The following ACBD3 variants were observed in gnomAD, a reference collection of about 807,000 sequenced individuals.
ACBD3 encodes Golgi resident protein GCP60.
Under a neutral mutation model 66.9 loss-of-function variants are expected in ACBD3, and 30 were observed. That is an observed-to-expected ratio of 0.45 (90% CI 0.34 to 0.61). The LOEUF (loss-of-function observed/expected upper bound fraction) is 0.61. Among genes scored for constraint, ACBD3 ranks in the 20% least tolerant of loss-of-function variants. The pLI is 0.02. For synonymous variants in ACBD3, 278 were observed against 259.8 expected (o/e 1.07, Z -0.68); for missense variants, 544 against 664.5 (o/e 0.82, Z 1.99).
intron 3 of ACBD3, among the ~76,000 whole-genome samples, chr1:226,163,585 C>T (rs1302972087): frequency 6.6e-6 from 1 of 152,078 alleles, no homozygotes; most frequent in South Asian, 2.1e-4. Flanking sequence ...TAAATCATAT[C>T]TAATGTTCCA....
rs1428465616 is a variant in ACBD3 at position 226,164,909 on chromosome 1, C to T, written c.449G>A (p.Gly150Glu). 6.3e-7 allele frequency: 1 copy of T among 1,591,810 alleles called. No homozygotes were observed. The highest frequency in any genetic ancestry group is 1.2e-5 in the South Asian group (1 of 85,470). Residue 150 changes from glycine (G) to glutamate (E), a missense_variant, in exon 3 of 8, where the codon GGA becomes GAA. Gly to Glu is a moderately conservative substitution (Grantham distance 98). Coordinates refer to ENST00000366812, the MANE Select transcript of ACBD3 (RefSeq NM_022735.4). ...CATGGCATCCTCTTTAGACATGTTT[C>T]CCAGGGCTGCCCATTCTCTCCTGTA... is the stretch of plus-strand genomic sequence containing the variant. ...NDRRREWAALGNMSKEDAMVE... is the reference protein window; with the variant it reads ...NDRRREWAALENMSKEDAMVE...
intron 6 of ACBD3, among the ~76,000 whole-genome samples, chr1:226,154,322 C>G (rs557123094): frequency 6.6e-6 from 1 of 152,174 alleles, no homozygotes; most frequent in East Asian, 1.9e-4. Context: ...ATCTTCCTGC[C>G]TCAGCCTCCC....
chr1:226,154,584 T>C, intron 6 of ACBD3, 63 bp downstream of exon 6: 2 of 1,521,888 alleles, frequency 1.3e-6, no homozygotes, highest in Non-Finnish European at 1.8e-6. Context: ...CCTGACTTCA[T>C]GACTTTTGCC....
chr1:226,157,222 C>T (rs889282986), intron 5 of ACBD3, among the ~76,000 whole-genome samples: 1 of 150,250 alleles, frequency 6.7e-6, no homozygotes, highest in Non-Finnish European at 1.5e-5. Flanking sequence ...TGAGTTTGAT[C>T]ACTCTAATCT....
chr1:226,183,230 C>A (rs1656208435), intron 1 of ACBD3, among the ~76,000 whole-genome samples: 1 of 152,166 alleles, frequency 6.6e-6, no homozygotes, highest in African/African-American at 2.4e-5. Context: ...GGCTGGAGGG[C>A]AGGGACGAAA....
intron 1 of ACBD3, among the ~76,000 whole-genome samples, chr1:226,183,883 TAAAAAAA>T (rs56294022): frequency 1.4e-5 from 1 of 72,768 alleles, no homozygotes; most frequent in African/African-American, 6.3e-5. Context: ...AAACTCTGCC[TAAAAAAA>T]AAAAAAAAAA....
intron 4 of ACBD3, among the ~76,000 whole-genome samples, chr1:226,161,051 A>C (rs1158524830): frequency 6.6e-6 from 1 of 152,230 alleles, no homozygotes; most frequent in Non-Finnish European, 1.5e-5. Context: ...TGAGAGAAGC[A>C]GAGACAAGAA....
At chr1:226,168,193 T>C (rs1195140840) in intron 1 of ACBD3, among the ~76,000 whole-genome samples, 1 of 152,196 alleles carries the variant, frequency 6.6e-6, no homozygotes, top group East Asian at 1.9e-4. Flanking sequence ...TATAACAATA[T>C]ACAACAACAA....
chr1:226,186,225 A>G (rs1333768599), intron 1 of ACBD3, among the ~76,000 whole-genome samples, 165 bp downstream of exon 1: 1 of 152,212 alleles, frequency 6.6e-6, no homozygotes, highest in Non-Finnish European at 1.5e-5. Flanking sequence ...CCAAGCGGGT[A>G]GTGACAAACT....
At chr1:226,156,050 A>G (rs1426869773) in intron 5 of ACBD3, among the ~76,000 whole-genome samples, 1 of 152,246 alleles carries the variant, frequency 6.6e-6, no homozygotes, top group Non-Finnish European at 1.5e-5. Context: ...ATTACAACAT[A>G]CATGTAGAAA....
At chr1:226,178,875 T>C (rs1656112727) in intron 1 of ACBD3, among the ~76,000 whole-genome samples, 1 of 152,214 alleles carries the variant, frequency 6.6e-6, no homozygotes, top group African/African-American at 2.4e-5. Context: ...AGCAGTCTAA[T>C]CCATCTTTGA....
At chr1:226,158,266 A>ACAC (rs1376919549) in intron 5 of ACBD3, among the ~76,000 whole-genome samples, 5 of 152,248 alleles carry the variant, frequency 3.3e-5, no homozygotes, top group Non-Finnish European at 7.3e-5. Flanking sequence ...CTATAATGTA[A>ACAC]CACTTTTCTT....
At chr1:226,183,412 G>A (rs1656216483) in intron 1 of ACBD3, among the ~76,000 whole-genome samples, 1 of 152,042 alleles carries the variant, frequency 6.6e-6, no homozygotes, top group East Asian at 1.9e-4. Flanking sequence ...TCGATCTCCT[G>A]ACCTTGTGAT....
chr1:226,172,180 ATTTTC>A (rs1558129685), intron 1 of ACBD3, among the ~76,000 whole-genome samples: 3,827 of 138,102 alleles, frequency 0.028, 222 homozygotes, highest in Non-Finnish European at 0.042. Context: ...AGAGGAATAC[ATTTTC>A]AGTGCTAGTC....
chr1:226,151,842 C>T (rs1424820216), intron 7 of ACBD3, among the ~76,000 whole-genome samples: 2 of 151,928 alleles, frequency 1.3e-5, no homozygotes, highest in South Asian at 2.1e-4. Context: ...CTCGTCTCTA[C>T]TAAAAATACA....
intron 1 of ACBD3, among the ~76,000 whole-genome samples, chr1:226,183,952 G>A (rs1364741220): frequency 6.6e-6 from 1 of 151,332 alleles, no homozygotes; most frequent in Non-Finnish European, 1.5e-5. Context: ...AGCACTTTGG[G>A]AGGCTGACGC....
chr1:226,146,542 A>C lies in ACBD3; in HGVS notation c.*68T>G. On this transcript the variant is annotated 3_prime_UTR_variant, in exon 8 of 8. Transcript: ENST00000366812. ...GTGACTCTAATGCTCCACAAAAGTA[A>C]AAAGAAATTTCCAAATTAAATGTCA... 7.1e-7 allele frequency: 1 copy of C among 1,404,060 alleles called. No individual in the cohort carries two copies. The highest frequency in any genetic ancestry group is 1.0e-6 in the Non-Finnish European group (1 of 1,003,852). The allele number at this position is 1,404,060 out of a possible 1,614,324, so 87.0% of individuals were successfully genotyped here.
At position 226,164,854 on chromosome 1, in the gene ACBD3, A is replaced by G. The variant is rs2102782479; in HGVS notation, c.504T>C (p.Cys168=). Residue 168 remains cysteine (C), a synonymous_variant, in exon 3 of 8, where the codon TGT becomes TGC. Transcript: ENST00000366812. ...CAACATATGTTGAAAAGAGATGGCA[A>G]CACCTATTTAAGAGCTTGACAAACT... ...MVEFVKLLNR[C]CHLFSTYVAS... 6.2e-7 allele frequency: 1 copy of G among 1,611,648 alleles called. No homozygotes were observed. Among genetic ancestry groups the G allele is most frequent in the Middle Eastern group, 1.6e-4 (1 of 6,062 alleles).
At chr1:226,149,229 A>C (rs550764826) in intron 7 of ACBD3, among the ~76,000 whole-genome samples, 1 of 144,362 alleles carries the variant, frequency 6.9e-6, no homozygotes, top group African/African-American at 2.5e-5. Context: ...AAGCTCTTTC[A>C]TTTTTTTTTT....
Sources: allele counts gnomAD v4.1 joint callset (sites outside exome capture counted in the v4.1 genomes callset), GRCh38; gene constraint gnomAD v4.1.1; transcripts MANE v1.5; gene names NCBI Gene and HGNC (gene_info 2026-07-23, HGNC 2026-07-21).